NR3C2: variants seen among roughly 807,000 people sequenced by gnomAD.
NR3C2 encodes mineralocorticoid receptor.
NR3C2 carries 15 observed loss-of-function variants against 86.4 expected under a neutral mutation model. The ratio of observed to expected loss-of-function variants is 0.17; its 90% CI spans 0.12 to 0.27. NR3C2 has a LOEUF of 0.27. Ranked by LOEUF, NR3C2 falls within the 10% of genes least tolerant of loss-of-function variation. NR3C2 has a pLI of 1.00. For missense variants in NR3C2, 960 were observed against 1,195.6 expected (o/e 0.80, Z 2.91); for synonymous variants, 458 against 450.5 (o/e 1.02, Z -0.21).
At chr4:148,390,259 C>T (rs1747476673) in intron 2 of NR3C2, among the ~76,000 whole-genome samples, 1 of 149,368 alleles carries the variant, frequency 6.7e-6, no homozygotes, top group Non-Finnish European at 1.5e-5. Context: ...AAAAAGTCTG[C>T]AGGAAATATG....
intron 3 of NR3C2, among the ~76,000 whole-genome samples, chr4:148,209,824 G>C (rs1370903262): frequency 2.0e-5 from 3 of 152,136 alleles, no homozygotes; most frequent in Non-Finnish European, 4.4e-5. Flanking sequence ...CCAGCCTTAA[G>C]TCTTGGTTTA....
At chr4:148,251,739 G>C (rs1739589810) in intron 3 of NR3C2, among the ~76,000 whole-genome samples, 2 of 152,040 alleles carry the variant, frequency 1.3e-5, no homozygotes, top group African/African-American at 4.8e-5. Context: ...TTTTATATAT[G>C]AAGTTCATTC....
intron 4 of NR3C2, among the ~76,000 whole-genome samples, chr4:148,158,153 C>T (rs1448123409): frequency 2.6e-5 from 4 of 152,154 alleles, no homozygotes; most frequent in African/African-American, 9.7e-5. Flanking sequence ...CCAAGAACTG[C>T]CCAGGAGTGC....
At chr4:148,392,907 T>A (rs61756933) in intron 2 of NR3C2, among the ~76,000 whole-genome samples, 1 of 152,228 alleles carries the variant, frequency 6.6e-6, no homozygotes, top group Non-Finnish European at 1.5e-5. Context: ...CAGCTGCTAA[T>A]GTTCACAGTT....
chr4:148,347,292 T>C (rs750079412), intron 2 of NR3C2, among the ~76,000 whole-genome samples: 1 of 152,058 alleles, frequency 6.6e-6, no homozygotes, highest in Non-Finnish European at 1.5e-5. Flanking sequence ...CACCTTTCCT[T>C]AACCCACCCA....
intron 4 of NR3C2, among the ~76,000 whole-genome samples, chr4:148,183,221 T>C (rs1321075617): frequency 2.0e-5 from 3 of 152,334 alleles, no homozygotes; most frequent in Admixed American, 6.5e-5. Flanking sequence ...CAGTCTATCA[T>C]TGATGGACAT....
intron 1 of NR3C2, among the ~76,000 whole-genome samples, chr4:148,439,310 CAA>C (rs1359491000): frequency 1.3e-5 from 2 of 152,106 alleles, no homozygotes. Context: ...GGTTCAGATC[CAA>C]ATCCATTAAA....
At chr4:148,230,185 CT>C (rs1459288932) in intron 3 of NR3C2, among the ~76,000 whole-genome samples, 2 of 152,000 alleles carry the variant, frequency 1.3e-5, no homozygotes, top group African/African-American at 4.8e-5. Flanking sequence ...AAAGAACGCA[CT>C]TTTTGTTTGT....
rs1553989351 is a variant in NR3C2, at chr4:148,141,446, T to TCTCACACA, written c.2510+11022_2510+11023insTGTGTGAG. Among the ~76,000 whole-genome samples, 170 of 149,408 alleles carry TCTCACACA rather than the reference T, an allele frequency of 1.1e-3. 2 individuals carry two copies. The highest frequency in any genetic ancestry group is 3.4e-3 in the Middle Eastern group (1 of 294). ...CTCTCTCTCTCTCTCTCCCTCTCTC[T>TCTCACACA]CACACACACACACACACACACGTAT... On this transcript the variant is annotated intron_variant, in intron 6 of 8. Coordinates refer to ENST00000358102, the MANE Select transcript of NR3C2 (RefSeq NM_000901.5).
chr4:148,187,319 C>A (rs1735974991), intron 4 of NR3C2, among the ~76,000 whole-genome samples: 1 of 151,918 alleles, frequency 6.6e-6, no homozygotes, highest in African/African-American at 2.4e-5. Flanking sequence ...TGTATTCCCA[C>A]CAGCAGTGTA....
intron 2 of NR3C2, among the ~76,000 whole-genome samples, chr4:148,275,088 T>C (rs982618027): frequency 6.6e-6 from 1 of 152,234 alleles, no homozygotes; most frequent in Non-Finnish European, 1.5e-5. Flanking sequence ...TCACTGTTTA[T>C]CTTCTAAGCA....
At chr4:148,397,989 T>A (rs1162426678) in intron 2 of NR3C2, among the ~76,000 whole-genome samples, 3 of 152,140 alleles carry the variant, frequency 2.0e-5, no homozygotes, top group African/African-American at 7.2e-5. Flanking sequence ...CCTTGCCTCT[T>A]CCAGTTTCTG....
chr4:148,422,079 C>T (rs1015800210), intron 2 of NR3C2, among the ~76,000 whole-genome samples: 1 of 152,054 alleles, frequency 6.6e-6, no homozygotes, highest in African/African-American at 2.4e-5. Flanking sequence ...CTCCTCCTTC[C>T]TCTACTCTAG....
Position 148,435,530 on chromosome 4 carries a change from T to G in NR3C2, c.1331A>C (p.Asn444Thr), listed in dbSNP as rs5523. 1.2e-3 allele frequency: 2,008 copies of G among 1,614,138 alleles called. 21 individuals are homozygous for G. In the African/African-American group the frequency reaches 0.024, roughly 19 times the overall value. The change falls in exon 2 of 9, where the codon AAT becomes ACT. Residue 444 changes from asparagine to threonine, a missense_variant. Asn to Thr is a moderately conservative substitution (Grantham distance 65). Coordinates refer to ENST00000358102, the MANE Select transcript of NR3C2 (RefSeq NM_000901.5). Reference protein sequence around the residue: ...HSCSGTSFKGNPTVNPFPFMD... With the variant: ...HSCSGTSFKGTPTVNPFPFMD... ...AAATGGAAACGGGTTTACTGTTGGATTCCCTTTAAAAGAGGTGCCTGAACA... is the reference window on the plus strand; with the variant it reads ...AAATGGAAACGGGTTTACTGTTGGAGTCCCTTTAAAAGAGGTGCCTGAACA...
intron 6 of NR3C2, among the ~76,000 whole-genome samples, chr4:148,148,192 GA>G (rs2149760462): frequency 6.6e-6 from 1 of 151,500 alleles, no homozygotes; most frequent in Admixed American, 6.6e-5. Context: ...CTATCCCAGT[GA>G]GGGGCACCAA....
intron 3 of NR3C2, among the ~76,000 whole-genome samples, chr4:148,211,383 G>C (rs1266991810): frequency 6.6e-6 from 1 of 152,176 alleles, no homozygotes; most frequent in African/African-American, 2.4e-5. Context: ...AAAAGCTTTA[G>C]AATTTTTCAT....
chr4:148,306,676 G>A (rs1742643376), intron 2 of NR3C2, among the ~76,000 whole-genome samples: 1 of 152,160 alleles, frequency 6.6e-6, no homozygotes, highest in African/African-American at 2.4e-5. Context: ...AAATGTTTAA[G>A]TCCCCAAAAT....
chr4:148,165,727 A>G (rs1355281518), intron 4 of NR3C2, among the ~76,000 whole-genome samples: 1 of 152,190 alleles, frequency 6.6e-6, no homozygotes, highest in Admixed American at 6.5e-5. Context: ...GAGCCAGATA[A>G]CCAAACAAAA....
At chr4:148,321,118 C>T (rs1305096738) in intron 2 of NR3C2, among the ~76,000 whole-genome samples, 3 of 148,734 alleles carry the variant, frequency 2.0e-5, no homozygotes, top group African/African-American at 4.9e-5. Context: ...TTCATTTCTG[C>T]CTTCATTTCG....
Sources: gnomAD v4.1 joint callset for allele counts (sites outside exome capture counted in the v4.1 genomes callset) on GRCh38, gnomAD v4.1.1 for gene constraint, MANE v1.5 for transcripts, NCBI Gene and HGNC (gene_info 2026-07-23, HGNC 2026-07-21) for gene names.